The following CSMD3 variants were observed in gnomAD, a reference collection of about 807,000 sequenced individuals.
CSMD3 encodes the protein CUB and Sushi multiple domains 3.
Under a neutral mutation model 435.2 loss-of-function variants are expected in CSMD3, and 177 were observed. The observed-to-expected ratio is 0.41, with a 90% CI of 0.36 to 0.46. The LOEUF (loss-of-function observed/expected upper bound fraction) is 0.46. Ranked by LOEUF, CSMD3 falls within the 20% of genes least tolerant of loss-of-function variation. CSMD3 has a pLI of 0.34. For synonymous variants in CSMD3, 1,656 were observed against 1,520.5 expected, an observed-to-expected ratio of 1.09 and a Z score of -2.07; for missense variants, 4,265 against 4,504.6, an observed-to-expected ratio of 0.95 and a Z score of 1.52.
At chr8:112,294,771 A>G (rs543158528) in intron 54 of CSMD3, among the ~76,000 whole-genome samples, 1 of 152,296 alleles carries the variant, frequency 6.6e-6, no homozygotes, top group South Asian at 2.1e-4. Flanking sequence ...TCACATGGAT[A>G]TATGTCGAAC....
chr8:112,527,892 T>C (rs528312351), intron 27 of CSMD3, among the ~76,000 whole-genome samples: 20 of 152,178 alleles, frequency 1.3e-4, no homozygotes, highest in Non-Finnish European at 2.8e-4. Flanking sequence ...AATAGATTTA[T>C]TCAACTATTT....
rs188716887 is a variant in CSMD3, at chr8:112,813,123, C to T, written c.1860-12849G>A. Among the ~76,000 whole-genome samples the T allele has an allele frequency of 2.0e-5, 3 of 152,178 alleles. No individual in the cohort carries two copies. The East Asian group carries it at 5.8e-4, about 29-fold the overall frequency. On this transcript the variant is annotated intron_variant, in intron 12 of 70. Transcript: ENST00000297405. ...TAGCCACGCCAAAGAATTGGTGTGG[C>T]GGCTGACCACAGTGAGTGATAGAGA... is the stretch of plus-strand genomic sequence containing the variant.
chr8:113,156,256 G>T (rs926590171), intron 4 of CSMD3, among the ~76,000 whole-genome samples: 5 of 151,932 alleles, frequency 3.3e-5, no homozygotes, highest in African/African-American at 1.2e-4. Context: ...AGTTAAATTG[G>T]ATACAACTGC....
rs200501309 is a variant in CSMD3, at chr8:112,314,049, G to A, written c.7553C>T (p.Pro2518Leu). 6.2e-7 allele frequency: 1 copy of A among 1,605,002 alleles called. No homozygotes were observed. ...AATAAGCACTGGACTTTGAATATTT[G>A]GTCCTTTGGGAAGAAAATAAAACAA... Reference protein sequence around the residue: ...EFDVLQVYDGPNIQSPVLISL... With the variant: ...EFDVLQVYDGLNIQSPVLISL... The change falls in exon 49 of 71, where the codon CCA becomes CTA. Residue 2518 changes from proline to leucine, a missense_variant. Pro to Leu is a moderately conservative substitution (Grantham distance 98, BLOSUM62 -3). This residue lies in a region of CSMD3 where 3,255 missense variants were observed against 3,380.2 expected (regional missense o/e 0.96). Coordinates refer to ENST00000297405, the MANE Select transcript of CSMD3 (RefSeq NM_198123.2).
chr8:113,069,066 C>T (rs574599193), intron 5 of CSMD3, among the ~76,000 whole-genome samples: 11 of 152,006 alleles, frequency 7.2e-5, no homozygotes, highest in East Asian at 3.9e-4. Flanking sequence ...GGATTAGAGA[C>T]GACAAACGAT....
chr8:113,047,256 A>G (rs1318179521), intron 5 of CSMD3, among the ~76,000 whole-genome samples: 1 of 152,214 alleles, frequency 6.6e-6, no homozygotes, highest in Non-Finnish European at 1.5e-5. Context: ...TTTCTTGTCT[A>G]TCTCTTACTT....
intron 20 of CSMD3, among the ~76,000 whole-genome samples, chr8:112,640,556 A>T (rs1193114565): frequency 6.6e-6 from 1 of 151,972 alleles, no homozygotes; most frequent in African/African-American, 2.4e-5. Flanking sequence ...TATATAAGGT[A>T]CTATTTTCAA....
chr8:112,459,124 G>C (rs1285766321), intron 32 of CSMD3, among the ~76,000 whole-genome samples: 1 of 151,964 alleles, frequency 6.6e-6, no homozygotes, highest in Non-Finnish European at 1.5e-5. Flanking sequence ...ATGTCCAACG[G>C]GTTTTGTTAA....
At chr8:113,153,132 A>AG (rs2091860260) in intron 4 of CSMD3, among the ~76,000 whole-genome samples, 2 of 124,662 alleles carry the variant, frequency 1.6e-5, no homozygotes, top group African/African-American at 6.1e-5. Flanking sequence ...AAAGAGAAAG[A>AG]AGGAAGGAAG....
intron 4 of CSMD3, among the ~76,000 whole-genome samples, chr8:113,103,253 G>A (rs1462702992): frequency 2.0e-5 from 3 of 152,082 alleles, no homozygotes; most frequent in Admixed American, 6.6e-5. Flanking sequence ...GATGGCTTCC[G>A]AATGTGGTTG....
chr8:113,309,734 T>A (rs1021372278), intron 2 of CSMD3: 1 of 152,244 alleles, frequency 6.6e-6, no homozygotes, highest in African/African-American at 2.4e-5. Flanking sequence ...TTTATTTATT[T>A]ACCTATCAAA....
intron 22 of CSMD3, among the ~76,000 whole-genome samples, chr8:112,630,942 TCACACA>T (rs5894090): frequency 0.02 from 2,801 of 140,540 alleles, 81 homozygotes; most frequent in African/African-American, 0.057. Flanking sequence ...ACATCAGTAT[TCACACA>T]CACACACACA....
chr8:112,522,359 C>A (rs1382941051), intron 27 of CSMD3, among the ~76,000 whole-genome samples: 2 of 151,836 alleles, frequency 1.3e-5, no homozygotes, highest in African/African-American at 2.4e-5. Flanking sequence ...GTATGCTTAT[C>A]TGAGAAAGCA....
At chr8:112,378,501 G>C (rs182996326) in intron 38 of CSMD3, among the ~76,000 whole-genome samples, 80 of 152,230 alleles carry the variant, frequency 5.3e-4, no homozygotes, top group African/African-American at 1.8e-3. Context: ...TTGAAATCCT[G>C]TTACTTGCAG....
intron 11 of CSMD3, among the ~76,000 whole-genome samples, chr8:112,846,270 T>C (rs2080317008): frequency 7.0e-6 from 1 of 143,840 alleles, no homozygotes; most frequent in Admixed American, 6.9e-5. Context: ...TTTTTTCCCC[T>C]TTCTTTCTTT....
intron 1 of CSMD3, among the ~76,000 whole-genome samples, chr8:113,395,516 G>A (rs2094479573): frequency 6.6e-6 from 1 of 151,560 alleles, no homozygotes; most frequent in Admixed American, 6.6e-5. Context: ...GGCTGAGGCA[G>A]GATAATGGCG....
intron 27 of CSMD3, among the ~76,000 whole-genome samples, chr8:112,518,866 G>A (rs368123084): frequency 2.6e-5 from 4 of 152,058 alleles, no homozygotes; most frequent in African/African-American, 7.2e-5. Context: ...TTACAATCAT[G>A]GCAGAAGGCA....
At chr8:112,622,540 G>C (rs1834158043) in intron 22 of CSMD3, among the ~76,000 whole-genome samples, 1 of 152,086 alleles carries the variant, frequency 6.6e-6, no homozygotes, top group Admixed American at 6.6e-5. Context: ...TATCTTCTTA[G>C]ACCGAACAAT....
chr8:113,205,864 A>G (rs1324105216), intron 3 of CSMD3, among the ~76,000 whole-genome samples: 1 of 152,070 alleles, frequency 6.6e-6, no homozygotes, highest in Non-Finnish European at 1.5e-5. Flanking sequence ...AGTAGACTTT[A>G]CTCTCACTTG....
Sources: allele counts gnomAD v4.1 joint callset (sites outside exome capture counted in the v4.1 genomes callset), GRCh38; gene constraint gnomAD v4.1.1; regional missense constraint gnomAD v4.1.1; transcripts MANE v1.5; gene names NCBI Gene and HGNC (gene_info 2026-07-23, HGNC 2026-07-21).